PCDHA3: variants seen among roughly 807,000 people sequenced by gnomAD.
The protein encoded by PCDHA3 is protocadherin alpha-3.
PCDHA3 carries 41 observed loss-of-function variants against 62.2 expected under a neutral mutation model. The ratio of observed to expected loss-of-function variants is 0.66; its 90% CI spans 0.51 to 0.86. The LOEUF (loss-of-function observed/expected upper bound fraction) is 0.86, where lower values mean the gene tolerates loss of function less well. Ranked by LOEUF, PCDHA3 falls within the 40% of genes least tolerant of loss-of-function variation. PCDHA3 has a pLI of 0.00. For missense variants in PCDHA3, 1,304 were observed against 1,241.2 expected (o/e 1.05, Z -0.76); for synonymous variants, 640 against 555.4 (o/e 1.15, Z -2.14).
intron 1 of PCDHA3, among the ~76,000 whole-genome samples, chr5:140,960,813 A>C (rs1356756058): frequency 6.6e-6 from 1 of 152,202 alleles, no homozygotes; most frequent in Non-Finnish European, 1.5e-5. Context: ...AGAGGTCCCA[A>C]GTGATGAATG....
chr5:140,977,543 A>G (rs905389015), intron 1 of PCDHA3, among the ~76,000 whole-genome samples: 3 of 152,224 alleles, frequency 2.0e-5, no homozygotes. Context: ...AGCAGCTTGC[A>G]TATGCATATC....
intron 1 of PCDHA3, among the ~76,000 whole-genome samples, chr5:140,912,895 A>G (rs781884731): frequency 4.6e-5 from 7 of 152,212 alleles, no homozygotes; most frequent in Non-Finnish European, 1.0e-4. Context: ...TGTTGATATG[A>G]TGTATCATAT....
chr5:140,851,390 C>T (rs1410826615), intron 1 of PCDHA3: 3 of 973,626 alleles, frequency 3.1e-6, no homozygotes, highest in East Asian at 2.2e-4. Flanking sequence ...CCTTCAGTAT[C>T]TATTATTTTA....
At chr5:140,962,716 G>A (rs1268660102) in intron 1 of PCDHA3, among the ~76,000 whole-genome samples, 2 of 152,304 alleles carry the variant, frequency 1.3e-5, no homozygotes, top group East Asian at 3.9e-4. Context: ...ATATTGGAAA[G>A]TATTTTCCTT....
At chr5:140,942,541 G>C (rs1241528363) in intron 1 of PCDHA3, among the ~76,000 whole-genome samples, 1 of 152,056 alleles carries the variant, frequency 6.6e-6, no homozygotes, top group African/African-American at 2.4e-5. Context: ...CAGTATGGTG[G>C]GGGGTAGGGG....
rs527281567 is a variant in PCDHA3 at position 140,992,060 on chromosome 5, A to T, written c.2542+9497A>T. Among the ~76,000 whole-genome samples the T allele has an allele frequency of 3.3e-3, 484 of 147,642 alleles. 5 individuals are homozygous for T. Among genetic ancestry groups the T allele is most frequent in the South Asian group, 0.015 (69 of 4,700 alleles). On this transcript the variant is annotated intron_variant, in intron 3 of 3. Transcript: ENST00000522353. The stretch of plus-strand genomic sequence containing the variant: ...GTGTGTGTGTGTGTGTGTGTAAGTT[A>T]ATTTCAGTAGAGAATGAGCTAGAGT...
intron 1 of PCDHA3, chr5:140,807,589 A>G (rs1554124106): frequency 6.2e-7 from 1 of 1,614,038 alleles, no homozygotes; most frequent in Admixed American, 1.7e-5. Flanking sequence ...CGGTGTTCCC[A>G]GCAACACAAA....
intron 1 of PCDHA3, chr5:140,823,567 C>A (rs2150126965): frequency 1.2e-6 from 2 of 1,613,944 alleles, no homozygotes; most frequent in South Asian, 2.2e-5. Context: ...CGCAGTGGAC[C>A]CTGATTCGGG....
At chr5:140,897,881 C>T (rs1417702752) in intron 1 of PCDHA3, among the ~76,000 whole-genome samples, 1 of 152,194 alleles carries the variant, frequency 6.6e-6, no homozygotes. Context: ...GATTGCCATT[C>T]TAACTGGTGT....
chr5:140,858,167 A>G, intron 1 of PCDHA3: 2 of 1,597,724 alleles, frequency 1.3e-6, no homozygotes, highest in Non-Finnish European at 1.7e-6. Flanking sequence ...CGCGGTGTCC[A>G]GCTTGCTGGT....
chr5:140,999,985 G>T (rs1451778210), intron 3 of PCDHA3, among the ~76,000 whole-genome samples: 1 of 152,022 alleles, frequency 6.6e-6, no homozygotes, highest in African/African-American at 2.4e-5. Context: ...AGCGGCCTCT[G>T]GGTAGTGGTA....
chr5:140,839,881 A>G (rs1399090183), intron 1 of PCDHA3, among the ~76,000 whole-genome samples: 4 of 152,040 alleles, frequency 2.6e-5, no homozygotes, highest in African/African-American at 9.7e-5. Flanking sequence ...GATGAATAGA[A>G]TTTTGACAGA....
chr5:140,910,864 A>G (rs2153516118), intron 1 of PCDHA3, among the ~76,000 whole-genome samples: 1 of 152,266 alleles, frequency 6.6e-6, no homozygotes, highest in Non-Finnish European at 1.5e-5. Context: ...TCCATCCACC[A>G]TTATCCCACA....
At chr5:140,929,417 T>C in intron 1 of PCDHA3, 2 of 1,503,568 alleles carry the variant, frequency 1.3e-6, no homozygotes, top group Non-Finnish European at 1.8e-6. Context: ...TTTCACAACA[T>C]TTCATCAATT....
chr5:140,965,700 C>CT (rs1554227802), intron 1 of PCDHA3, among the ~76,000 whole-genome samples: 1 of 152,162 alleles, frequency 6.6e-6, no homozygotes, highest in East Asian at 1.9e-4. Flanking sequence ...TTAGAAAAAG[C>CT]TTGAGAGAAG....
chr5:140,966,502 GGCA>G (rs2096011406), intron 1 of PCDHA3: 14 of 433,816 alleles, frequency 3.2e-5, no homozygotes, highest in South Asian at 2.3e-4. Context: ...GAGCTGTAGC[GGCA>G]GCAGCAGCAG....
intron 1 of PCDHA3, among the ~76,000 whole-genome samples, chr5:140,913,572 TCAAA>T (rs150264547): frequency 6.6e-6 from 1 of 152,264 alleles, no homozygotes; most frequent in East Asian, 1.9e-4. Context: ...TTTCATCATT[TCAAA>T]TATATTTCTG....
chr5:140,939,481 A>G (rs1554212745), intron 1 of PCDHA3, among the ~76,000 whole-genome samples: 2 of 152,206 alleles, frequency 1.3e-5, no homozygotes, highest in Non-Finnish European at 2.9e-5. Flanking sequence ...CTTCATGAGA[A>G]TGTTAATTAT....
intron 1 of PCDHA3, among the ~76,000 whole-genome samples, chr5:140,906,614 TTTG>T (rs1448753363): frequency 6.6e-6 from 1 of 152,208 alleles, no homozygotes; most frequent in Non-Finnish European, 1.5e-5. Flanking sequence ...CTGTATTCCC[TTTG>T]CCTTCAGCAA....
Sources: allele counts gnomAD v4.1 joint callset (sites outside exome capture counted in the v4.1 genomes callset), GRCh38; gene constraint gnomAD v4.1.1; transcripts MANE v1.5; gene names NCBI Gene and HGNC (gene_info 2026-07-23, HGNC 2026-07-21).